The following SERPINA9 variants were observed in gnomAD, a reference collection of about 807,000 sequenced individuals.
SERPINA9 encodes the protein serpin A9.
In SERPINA9, 32 loss-of-function variants were observed where a neutral mutation model predicts 24.5. The ratio of observed to expected loss-of-function variants is 1.30; its 90% CI spans 0.98 to 1.75. The LOEUF is 1.75. Among genes scored for constraint, SERPINA9 ranks in the 40% most tolerant of loss-of-function variants. SERPINA9 has a pLI of 0.00. For synonymous variants in SERPINA9, 233 were observed against 197.7 expected, an observed-to-expected ratio of 1.18 and a Z score of -1.50; for missense variants, 594 against 497.1, an observed-to-expected ratio of 1.19 and a Z score of -1.85.
chr14:94,467,294 C>G lies in SERPINA9; in HGVS notation c.717G>C (p.Met239Ile). 6.2e-7 allele frequency: 1 copy of G among 1,614,138 alleles called. No homozygotes were observed. The highest frequency in any genetic ancestry group is 8.5e-7 in the Non-Finnish European group (1 of 1,179,964). Residue 239 changes from methionine to isoleucine, a missense_variant, in exon 3 of 5, where the codon ATG becomes ATC. Met to Ile is a conservative substitution (Grantham distance 10, BLOSUM62 1). Transcript: ENST00000674397. ...AAGCGAACTGCTCTTTCTGGTGCAT[C>G]ATGGGGACATGCACAGTGACCTGCT... ...VGEQVTVHVP[M>I]MHQKEQFAFG...
chr14:94,473,586 T>G (rs1899433647), intron 1 of SERPINA9, among the ~76,000 whole-genome samples: 2 of 150,024 alleles, frequency 1.3e-5, no homozygotes, highest in Non-Finnish European at 3.0e-5. Flanking sequence ...GGAGGCCTCC[T>G]GGAATATAAG....
chr14:94,474,648 C>G (rs1460093648), intron 1 of SERPINA9, among the ~76,000 whole-genome samples: 1 of 152,212 alleles, frequency 6.6e-6, no homozygotes, highest in Admixed American at 6.5e-5. Flanking sequence ...TCTCCCAGCC[C>G]TGCCAAGGCC....
Position 94,463,276 on chromosome 14 carries a change from C to A in SERPINA9, c.1071G>T (p.Leu357=). 1 of 1,614,164 alleles carries A rather than the reference C, an allele frequency of 6.2e-7. No homozygotes were observed. Among genetic ancestry groups the A allele is most frequent in the Admixed American group, 1.7e-5 (1 of 60,030 alleles). Residue 357 remains leucine (L), a synonymous_variant, in exon 5 of 5, where the codon CTG becomes CTT. Transcript: ENST00000674397. ...CCTCAGTGCCCTCTTCACTGACATC[C>A]AGCACAGCCTTGTGGGTTGCCTGCC... ...QVSKATHKAV[L]DVSEEGTEAT...
In SERPINA9 at chr14:94,463,138, G is replaced by A. The variant is rs755418651; in HGVS notation, c.1209C>T (p.Asp403=). Residue 403 remains aspartate, a synonymous_variant, in exon 5 of 5, where the codon GAC becomes GAT. Coordinates refer to ENST00000674397, the MANE Select transcript of SERPINA9 (RefSeq NM_175739.4). ...FLMMITNKAT[D]GILFLGKVEN... Reference sequence around the variant, plus strand: ...CCACTTTCCCTAGAAAGAGAATACCGTCTGTGGCTTTATTTGTAATCATCA... The same window carrying A: ...CCACTTTCCCTAGAAAGAGAATACCATCTGTGGCTTTATTTGTAATCATCA... 1.1e-5 allele frequency: 18 copies of A among 1,614,148 alleles called. No homozygotes were observed. Among genetic ancestry groups the A allele is most frequent in the East Asian group, 6.7e-5 (3 of 44,896 alleles).
chr14:94,470,950 G>A (rs1899285565), intron 1 of SERPINA9, among the ~76,000 whole-genome samples: 1 of 152,172 alleles, frequency 6.6e-6, no homozygotes, highest in Non-Finnish European at 1.5e-5. Flanking sequence ...TTTTAGAGAA[G>A]GAAGGTGTAT....
At chr14:94,463,823 C>T (rs1898857448) in intron 4 of SERPINA9, among the ~76,000 whole-genome samples, 1 of 152,140 alleles carries the variant, frequency 6.6e-6, no homozygotes, top group Non-Finnish European at 1.5e-5. Context: ...GGCTTGAGCT[C>T]CTGTGACTAC....
In SERPINA9 at chr14:94,469,775, G is replaced by T. The variant is rs749526065; in HGVS notation, c.66C>A (p.Ser22=). 1.3e-6 allele frequency: 2 copies of T among 1,548,246 alleles called. No homozygotes were observed. Among genetic ancestry groups the T allele is most frequent in the Non-Finnish European group, 1.7e-6 (2 of 1,146,446 alleles). ...GGTATGCACTGGGGGCATTGGCCGGGGACACACAGTAGATTGGAGCACAGA... is the reference window on the plus strand; with the variant it reads ...GGTATGCACTGGGGGCATTGGCCGGTGACACACAGTAGATTGGAGCACAGA... ...VGLCAPIYCV[S]PANAPSAYPR... Residue 22 remains serine (S), a synonymous_variant, in exon 2 of 5, where the codon TCC becomes TCA. Coordinates refer to ENST00000674397, the MANE Select transcript of SERPINA9 (RefSeq NM_175739.4).
In SERPINA9 at chr14:94,471,110, C is replaced by A. The variant is rs538398067; in HGVS notation, c.-17-1253G>T. Among the ~76,000 whole-genome samples the A allele has an allele frequency of 6.2e-4, 88 of 142,422 alleles. 1 individual carries two copies. The highest frequency in any genetic ancestry group is 9.8e-4 in the Non-Finnish European group (64 of 65,586). The allele number at this position is 142,422 out of a possible 152,430, so 93.4% of individuals were successfully genotyped here. On this transcript the variant is annotated intron_variant, in intron 1 of 4. Coordinates refer to ENST00000674397, the MANE Select transcript of SERPINA9 (RefSeq NM_175739.4). Reference sequence around the variant, plus strand: ...CCCATGACCTGGATGTCCTTCCCCCCATCATCCTTTTCACAAGCACAGTGC... The same window carrying A: ...CCCATGACCTGGATGTCCTTCCCCCAATCATCCTTTTCACAAGCACAGTGC...
Position 94,467,219 on chromosome 14 carries a change from C to T in SERPINA9, c.792G>A (p.Lys264=). The change falls in exon 3 of 5, where the codon AAG becomes AAA. Residue 264 remains lysine (K), a synonymous_variant. Transcript: ENST00000674397. ...LNCFVLQMDY[K]GDAVAFFVLP... is the part of the protein sequence containing the mutation. ...GGACAAAGAAGGCCACGGCATCTCC[C>T]TTGTAATCCATCTGCAGCACAAAGC... is the stretch of plus-strand genomic sequence containing the variant. The T allele has an allele frequency of 1.9e-6, 3 of 1,614,262 alleles. No homozygotes were observed. The highest frequency in any genetic ancestry group is 2.5e-6 in the Non-Finnish European group (3 of 1,180,044).
chr14:94,469,160 C>G (rs1899164043), intron 2 of SERPINA9, 53 bp downstream of exon 2: 2 of 1,461,814 alleles, frequency 1.4e-6, no homozygotes, highest in Admixed American at 3.8e-5. Context: ...AAGCAAAAAT[C>G]ATCATCATCA....
At chr14:94,474,716 G>T (rs916770001) in intron 1 of SERPINA9, among the ~76,000 whole-genome samples, 2 of 152,064 alleles carry the variant, frequency 1.3e-5, no homozygotes, top group African/African-American at 2.4e-5. Flanking sequence ...AGGGGGCACT[G>T]CTCGTTGGGG....
Position 94,462,848 on chromosome 14 carries a change from C to A in SERPINA9, c.*245G>T, listed in dbSNP as rs2139790624. 2 of 496,696 alleles carry A rather than the reference C, an allele frequency of 4.0e-6. No homozygotes were observed. Among genetic ancestry groups the A allele is most frequent in the Admixed American group, 3.4e-5 (1 of 29,246 alleles). 30.8% of individuals were successfully genotyped at this position (496,696 alleles called of 1,614,324 possible). On this transcript the variant is annotated 3_prime_UTR_variant, in exon 5 of 5. Transcript: ENST00000674397. ...AAGGAATGGAAATATGGTAACCCAG[C>A]AACATCCCATGAAGCTAGTTACCTG...
chr14:94,475,668 T>G, intron 1 of SERPINA9, among the ~76,000 whole-genome samples: 1 of 152,114 alleles, frequency 6.6e-6, no homozygotes, highest in East Asian at 1.9e-4. Flanking sequence ...CCTTAGAAAG[T>G]ATCTCTTCTC....
At position 94,462,953 on chromosome 14, in the gene SERPINA9, A is replaced by T. The variant is rs1898808997; in HGVS notation, c.*140T>A. On this transcript the variant is annotated 3_prime_UTR_variant, in exon 5 of 5. Transcript: ENST00000674397. ...TGGGGTCCCTGTTGATGGTTTGGTG[A>T]TTGAGCCTTGGAAGTGGCATCCCTG... 1 of 702,024 alleles carries T rather than the reference A, an allele frequency of 1.4e-6. No homozygotes were observed. Among genetic ancestry groups the T allele is most frequent in the Admixed American group, 2.2e-5 (1 of 45,652 alleles). The allele number at this position is 702,024 out of a possible 1,614,324, so 43.5% of individuals were successfully genotyped here.
In SERPINA9 at chr14:94,469,748, G is replaced by T; in HGVS notation, c.93C>A (p.Pro31=). Residue 31 remains proline (P), a synonymous_variant, in exon 2 of 5, where the codon CCC becomes CCA. Coordinates refer to ENST00000674397, the MANE Select transcript of SERPINA9 (RefSeq NM_175739.4). ...VSPANAPSAY[P]RPSSTKSTPA... ...GGGTGCTCTTTGTGGAGGAAGGGCG[G>T]GGGTATGCACTGGGGGCATTGGCCG... 6.3e-7 allele frequency: 1 copy of T among 1,578,266 alleles called. No homozygotes were observed. The highest frequency in any genetic ancestry group is 8.6e-7 in the Non-Finnish European group (1 of 1,160,546).
intron 1 of SERPINA9, among the ~76,000 whole-genome samples, chr14:94,475,737 A>G (rs1899591224): frequency 6.6e-6 from 1 of 152,124 alleles, no homozygotes; most frequent in Admixed American, 6.5e-5. Flanking sequence ...TCTCAAGCTG[A>G]TCCTTGCTGT....
At chr14:94,472,240 C>G (rs1433359102) in intron 1 of SERPINA9, among the ~76,000 whole-genome samples, 1 of 152,190 alleles carries the variant, frequency 6.6e-6, no homozygotes, top group Non-Finnish European at 1.5e-5. Context: ...TCCCTCCCTT[C>G]TCTTCCCACT....
intron 4 of SERPINA9, 158 bp downstream of exon 4, chr14:94,464,549 G>A: frequency 1.6e-6 from 1 of 620,350 alleles, no homozygotes; most frequent in East Asian, 2.8e-5. Context: ...CCAGAGGGAT[G>A]GTGGCCATAG....
At chr14:94,470,219 AT>A in intron 1 of SERPINA9, 3 of 1,013,122 alleles carry the variant, frequency 3.0e-6, no homozygotes, top group Non-Finnish European at 3.5e-6. Flanking sequence ...GTGAACCCAG[AT>A]TGCATTAGCA....
Sources: allele counts gnomAD v4.1 joint callset (sites outside exome capture counted in the v4.1 genomes callset), GRCh38; gene constraint gnomAD v4.1.1; transcripts MANE v1.5; gene names NCBI Gene and HGNC (gene_info 2026-07-23, HGNC 2026-07-21).